CNTNAP3B: variants seen among roughly 807,000 people sequenced by gnomAD.
CNTNAP3B encodes the protein contactin-associated protein-like 3B.
A neutral mutation model predicts 108.9 loss-of-function variants in CNTNAP3B; 25 were observed. The observed-to-expected ratio is 0.23, with a 90% confidence interval of 0.17 to 0.32. The LOEUF is 0.32. Ranked by LOEUF, CNTNAP3B falls within the 10% of genes least tolerant of loss-of-function variation. The pLI is 1.00. For missense variants in CNTNAP3B, 252 were observed against 1,210.4 expected, an observed-to-expected ratio of 0.21 and a Z score of 11.75; for synonymous variants, 103 against 473.4, an observed-to-expected ratio of 0.22 and a Z score of 10.16.
At chr9:41,921,407 C>A (rs1823663826) in intron 17 of CNTNAP3B, among the ~76,000 whole-genome samples, 1 of 151,770 alleles carries the variant, frequency 6.6e-6, no homozygotes. Context: ...TGGTATAACA[C>A]CCCATCCACA....
In CNTNAP3B at chr9:42,121,963, T is replaced by C. The variant is rs866095406; in HGVS notation, c.85+7047A>G. Among the ~76,000 whole-genome samples the C allele has an allele frequency of 6.4e-5, 9 of 139,858 alleles. 2 individuals carry two copies. Among genetic ancestry groups the C allele is most frequent in the Non-Finnish European group, 9.2e-5 (6 of 65,092 alleles). 91.8% of individuals were successfully genotyped at this position (139,858 alleles called of 152,430 possible). A position where few individuals can be genotyped will look rare whatever the true frequency, so the allele number is the denominator to read the frequency against. ...ATAGCAAACAGTATGAGCATCAGCA[T>C]ATTTGCATCAATTTCCTTGCCTCCA... On this transcript the variant is annotated intron_variant, in intron 1 of 23. Coordinates refer to ENST00000377561, the MANE Select transcript of CNTNAP3B (RefSeq NM_001201380.3).
chr9:41,965,296 C>T (rs1245921853), intron 10 of CNTNAP3B, among the ~76,000 whole-genome samples: 1 of 152,192 alleles, frequency 6.6e-6, no homozygotes, highest in Non-Finnish European at 1.5e-5. Context: ...CCTCAAGGGA[C>T]CCTGAACCAG....
At position 42,086,379 on chromosome 9, in the gene CNTNAP3B, AATATAT is replaced by A. The variant is rs570448707; in HGVS notation, c.197-9323_197-9318del. On this transcript the variant is annotated intron_variant, in intron 2 of 23. Coordinates refer to ENST00000377561, the MANE Select transcript of CNTNAP3B (RefSeq NM_001201380.3). ...ATCTACTATGAATAATGTTGCTATG[AATATAT>A]ATATATATATAAATTTTTTTTACAT... Among the ~76,000 whole-genome samples, 2 of 126,198 alleles carry A rather than the reference AATATAT, an allele frequency of 1.6e-5. 1 individual carries two copies. Among genetic ancestry groups the A allele is most frequent in the African/African-American group, 6.2e-5 (2 of 32,102 alleles). 82.8% of individuals were successfully genotyped at this position (126,198 alleles called of 152,430 possible). A position where few individuals can be genotyped will look rare whatever the true frequency, so the allele number is the denominator to read the frequency against.
chr9:41,967,763 G>A (rs939788589), intron 10 of CNTNAP3B, among the ~76,000 whole-genome samples: 4 of 152,284 alleles, frequency 2.6e-5, no homozygotes, highest in East Asian at 1.9e-4. Flanking sequence ...TAATCTCAGA[G>A]GAGCTAGTCT....
rs1253620076 is a variant in CNTNAP3B, at chr9:42,083,037, G to T, written c.197-5975C>A. Among the ~76,000 whole-genome samples the T allele has an allele frequency of 1.4e-5, 2 of 139,268 alleles. 1 individual carries two copies. Among genetic ancestry groups the T allele is most frequent in the African/African-American group, 5.7e-5 (2 of 35,236 alleles). 91.4% of individuals were successfully genotyped at this position (139,268 alleles called of 152,430 possible). On this transcript the variant is annotated intron_variant, in intron 2 of 23. Transcript: ENST00000377561. Reference sequence around the variant, plus strand: ...CTAATAATAGTTTTTAAAAAAGCTGGATTGGCTATATTAAACAAAGTAGAT... The same window carrying T: ...CTAATAATAGTTTTTAAAAAAGCTGTATTGGCTATATTAAACAAAGTAGAT...
intron 13 of CNTNAP3B, among the ~76,000 whole-genome samples, chr9:41,940,643 C>T (rs1428840855): frequency 1.3e-5 from 2 of 152,256 alleles, no homozygotes; most frequent in Non-Finnish European, 2.9e-5. Flanking sequence ...GGTGAAACCC[C>T]GTCTCTACTA....
In CNTNAP3B at chr9:42,057,445, T is replaced by A. The variant is rs1470176823; in HGVS notation, c.390+19424A>T. Among the ~76,000 whole-genome samples the A allele has an allele frequency of 1.7e-4, 19 of 113,590 alleles. 1 individual carries two copies. Among genetic ancestry groups the A allele is most frequent in the Non-Finnish European group, 2.8e-4 (15 of 54,316 alleles). 74.5% of individuals were successfully genotyped at this position (113,590 alleles called of 152,430 possible). ...CTCTCAAACTCCTGACCTCAGGTGA[T>A]CTGCCCAACTCAGCCTCTCAAAGTG... On this transcript the variant is annotated intron_variant, in intron 3 of 23. Coordinates refer to ENST00000377561, the MANE Select transcript of CNTNAP3B (RefSeq NM_001201380.3).
intron 3 of CNTNAP3B, among the ~76,000 whole-genome samples, chr9:42,059,884 C>T (rs1485346157): frequency 7.4e-6 from 1 of 135,434 alleles, no homozygotes; most frequent in East Asian, 2.3e-4. Context: ...GCCATCATGC[C>T]TGGCCTGAAA....
At chr9:41,958,232 C>T in intron 12 of CNTNAP3B, among the ~76,000 whole-genome samples, 1 of 152,422 alleles carries the variant, frequency 6.6e-6, no homozygotes, top group South Asian at 2.1e-4. Context: ...CTCAGCCTCC[C>T]AAGTAGCTGG....
rs1372664310 is a variant in CNTNAP3B, at chr9:42,089,657, C to A, written c.197-12595G>T. Among the ~76,000 whole-genome samples the A allele has an allele frequency of 2.7e-5, 4 of 148,454 alleles. No homozygotes were observed. In the South Asian group the frequency reaches 8.6e-4, roughly 32 times the overall value. ...ATTAAAAATATTCAGTAATTATTTT[C>A]TCTGCCTCTTAATCACTGAACCTAG... is the stretch of plus-strand genomic sequence containing the variant. On this transcript the variant is annotated intron_variant, in intron 2 of 23. Coordinates refer to ENST00000377561, the MANE Select transcript of CNTNAP3B (RefSeq NM_001201380.3).
At chr9:42,115,865 G>T (rs1828303386) in intron 1 of CNTNAP3B, among the ~76,000 whole-genome samples, 1 of 123,728 alleles carries the variant, frequency 8.1e-6, no homozygotes. Flanking sequence ...GATGGAGAAT[G>T]ACTTTGACGA....
intron 12 of CNTNAP3B, among the ~76,000 whole-genome samples, chr9:41,955,862 A>T (rs2118167506): frequency 6.6e-6 from 1 of 152,390 alleles, no homozygotes; most frequent in South Asian, 2.1e-4. Context: ...GATGTTCCTC[A>T]ATTTATGATG....
At chr9:42,076,809 AT>A (rs2118614495) in intron 3 of CNTNAP3B, 59 bp downstream of exon 3, 1 of 1,460,784 alleles carries the variant, frequency 6.8e-7, no homozygotes, top group Admixed American at 2.3e-5. Flanking sequence ...AATTCTTAAA[AT>A]TCTGTTTTTC....
intron 3 of CNTNAP3B, among the ~76,000 whole-genome samples, chr9:42,033,980 G>C: frequency 1.1e-5 from 1 of 94,786 alleles, no homozygotes; most frequent in South Asian, 3.3e-4. Context: ...TACAGTGCCG[G>C]TCTCAGTTAT....
At chr9:42,126,561 A>AGAGAGCTTTTTTTTTTTT in intron 1 of CNTNAP3B, among the ~76,000 whole-genome samples, 2 of 136,800 alleles carry the variant, frequency 1.5e-5, no homozygotes, top group Non-Finnish European at 3.1e-5. Context: ...CCAAATGTTT[A>AGAGAGCTTTTTTTTTTTT]GAGAGCTTTT....
intron 3 of CNTNAP3B, among the ~76,000 whole-genome samples, chr9:42,029,532 C>CTTT (rs1190604260): frequency 8.7e-6 from 1 of 114,490 alleles, no homozygotes; most frequent in East Asian, 2.9e-4. Context: ...CATATACATT[C>CTTT]TTTTTTTTTT....
At position 42,121,176 on chromosome 9, in the gene CNTNAP3B, C is replaced by T. The variant is rs1330574996; in HGVS notation, c.85+7834G>A. On this transcript the variant is annotated intron_variant, in intron 1 of 23. Transcript: ENST00000377561. ...CATTCCCCCTGCTGTCTCTCAGAGG[C>T]ACAGCTGTGAAACACATTCTACCGG... Among the ~76,000 whole-genome samples, 28 of 138,118 alleles carry T rather than the reference C, an allele frequency of 2.0e-4. 6 individuals are homozygous for T. In the South Asian group the frequency reaches 6.6e-3, roughly 32 times the overall value. 90.6% of individuals were successfully genotyped at this position (138,118 alleles called of 152,430 possible). A position where few individuals can be genotyped will look rare whatever the true frequency, so the allele number is the denominator to read the frequency against.
chr9:41,937,191 G>C (rs1486034038), intron 14 of CNTNAP3B, among the ~76,000 whole-genome samples: 3 of 148,722 alleles, frequency 2.0e-5, no homozygotes, highest in Non-Finnish European at 4.5e-5. Context: ...GCAGTGGCGC[G>C]ATCTCAGCTC....
intron 3 of CNTNAP3B, among the ~76,000 whole-genome samples, chr9:42,063,965 C>A (rs1474108408): frequency 6.8e-6 from 1 of 146,488 alleles, no homozygotes; most frequent in Non-Finnish European, 1.5e-5. Flanking sequence ...AAGTTTTGTT[C>A]TTTTGATGCT....
Sources: allele counts gnomAD v4.1 joint callset (sites outside exome capture counted in the v4.1 genomes callset), GRCh38; gene constraint gnomAD v4.1.1; transcripts MANE v1.5; gene names NCBI Gene and HGNC (gene_info 2026-07-23, HGNC 2026-07-21).